ABCB11: variants seen among roughly 807,000 people sequenced by gnomAD.
The protein encoded by ABCB11 is bile salt export pump.
A neutral mutation model predicts 148.0 loss-of-function variants in ABCB11; 95 were observed. The observed-to-expected ratio is 0.64, with a 90% CI of 0.54 to 0.76. The LOEUF is 0.76. Among genes scored for constraint, ABCB11 ranks in the 30% least tolerant of loss-of-function variants. The pLI is 0.00. For missense variants in ABCB11, 1,523 were observed against 1,617.8 expected, an observed-to-expected ratio of 0.94 and a Z score of 1.01; for synonymous variants, 591 against 555.4, an observed-to-expected ratio of 1.06 and a Z score of -0.90.
chr2:168,918,680 C>T (rs971787281), downstream of ABCB11, among the ~76,000 whole-genome samples: 1 of 152,116 alleles, frequency 6.6e-6, no homozygotes, highest in African/African-American at 2.4e-5. Context: ...TTGACCTTTA[C>T]CCCATCGTCT....
At chr2:168,915,609 G>T (rs1352953590) in exon 3 of ABCB11, among the ~76,000 whole-genome samples, 1 of 152,220 alleles carries the variant, frequency 6.6e-6, no homozygotes, top group African/African-American at 2.4e-5. Context: ...GGATGTTCAG[G>T]AATCAGGCTG....
intron 19 of ABCB11, among the ~76,000 whole-genome samples, chr2:168,955,360 G>T (rs545926622): frequency 5.1e-4 from 77 of 151,664 alleles, no homozygotes; most frequent in African/African-American, 1.8e-3. Context: ...CCACATGGCT[G>T]AGGAGATCTC....
intron 17 of ABCB11, among the ~76,000 whole-genome samples, chr2:168,964,547 T>C (rs1047368265): frequency 1.3e-5 from 2 of 151,670 alleles, no homozygotes; most frequent in Non-Finnish European, 2.9e-5. Flanking sequence ...ATTCAGAGTG[T>C]AGTCAGGGAG....
chr2:169,005,359 C>T (rs75899226), intron 5 of ABCB11, among the ~76,000 whole-genome samples: 2,163 of 152,042 alleles, frequency 0.014, 20 homozygotes, highest in Non-Finnish European at 0.021. Context: ...TCTCCTTGGG[C>T]GGGGCTTGCT....
rs1691182285 is a variant in ABCB11, at chr2:168,923,823, C to T, written c.3766-1G>A. Reference sequence around the variant, plus strand: ...CTTTGTCTAGAGCAACCTGCACCGTCTGCAAAGAGAAGATGGAAAGTTGAT... The same window carrying T: ...CTTTGTCTAGAGCAACCTGCACCGTTTGCAAAGAGAAGATGGAAAGTTGAT... On this transcript the variant is annotated splice_acceptor_variant, in intron 27 of 27. Transcript: ENST00000650372. LOFTEE classifies it high-confidence loss of function. 1 of 1,613,892 alleles carries T rather than the reference C, an allele frequency of 6.2e-7. No homozygotes were observed. The highest frequency in any genetic ancestry group is 1.7e-5 in the Admixed American group (1 of 60,022).
chr2:168,986,193 A>T lies in ABCB11; in HGVS notation c.1000T>A (p.Phe334Ile). The T allele has an allele frequency of 6.2e-7, 1 of 1,613,396 alleles. No homozygotes were observed. The highest frequency in any genetic ancestry group is 8.5e-7 in the Non-Finnish European group (1 of 1,179,608). Residue 334 changes from phenylalanine (F) to isoleucine (I), a missense_variant, in exon 10 of 28, where the codon TTT becomes ATT. Transcript: ENST00000650372. ...CAGAAGGCCAGTGCATAACACAAAA[A>T]GATGAGACACCACACGAATCCAGTA... ...FFTGFVWCLIFLCYALAFWYG... is the reference protein window; with the variant it reads ...FFTGFVWCLIILCYALAFWYG...
chr2:168,945,521 G>A (rs1692267870), intron 19 of ABCB11, among the ~76,000 whole-genome samples: 1 of 151,066 alleles, frequency 6.6e-6, no homozygotes, highest in African/African-American at 2.4e-5. Flanking sequence ...AAACATTTAA[G>A]TAATAAAACT....
At chr2:169,020,936 T>C (rs1268120132) in intron 1 of ABCB11, among the ~76,000 whole-genome samples, 1 of 152,094 alleles carries the variant, frequency 6.6e-6, no homozygotes, top group Non-Finnish European at 1.5e-5. Context: ...CAGGTCAGTT[T>C]ATTGAATTTT....
chr2:168,969,894 A>G (rs1426700217), intron 15 of ABCB11, 151 bp downstream of exon 15: 1 of 770,544 alleles, frequency 1.3e-6, no homozygotes, highest in Non-Finnish European at 2.1e-6. Flanking sequence ...GATTGTAGTC[A>G]GCTAATATTT....
chr2:169,025,133 T>C (rs1252655173), intron 1 of ABCB11, among the ~76,000 whole-genome samples: 1 of 152,186 alleles, frequency 6.6e-6, no homozygotes, highest in Non-Finnish European at 1.5e-5. Flanking sequence ...TTAAAAAAAT[T>C]TAGTCTCCAT....
chr2:168,918,941 A>C (rs1445134986), downstream of ABCB11, among the ~76,000 whole-genome samples: 5 of 152,052 alleles, frequency 3.3e-5, no homozygotes, highest in Non-Finnish European at 5.9e-5. Context: ...TATTTTTTTC[A>C]ATGAAAGATA....
At chr2:168,952,024 T>C (rs1322328400) in intron 19 of ABCB11, among the ~76,000 whole-genome samples, 1 of 151,778 alleles carries the variant, frequency 6.6e-6, no homozygotes, top group Non-Finnish European at 1.5e-5. Context: ...ATTGTTTATG[T>C]GATATATCAT....
chr2:168,969,413 A>G lies in ABCB11; in HGVS notation c.1948T>C (p.Tyr650His), dbSNP rs1371562278. The change falls in exon 16 of 28, where the codon TAC (tyrosine) becomes CAC (histidine). Residue 650 changes from tyrosine (Y) to histidine (H), a missense_variant. Tyr to His is a moderately conservative substitution (Grantham distance 83). Coordinates refer to ENST00000650372, the MANE Select transcript of ABCB11 (RefSeq NM_003742.4). Reference sequence around the variant, plus strand: ...CTTTGCAAAGTCACTAGAGTGAAGTAAACACCTTTCCTTTCCAGTAATTCT... The same window carrying G: ...CTTTGCAAAGTCACTAGAGTGAAGTGAACACCTTTCCTTTCCAGTAATTCT... The part of the protein sequence containing the change: ...HEELLERKGV[Y>H]FTLVTLQSQG... 1 of 1,612,650 alleles carries G rather than the reference A, an allele frequency of 6.2e-7. No individual in the cohort carries two copies. The highest frequency in any genetic ancestry group is 8.5e-7 in the Non-Finnish European group (1 of 1,179,260).
rs1693700717 is a variant in ABCB11, at chr2:168,973,793, A to T, written c.1356T>A (p.Ala452=). The change falls in exon 13 of 28, where the codon GCT becomes GCA. Residue 452 remains alanine (A), a synonymous_variant. Transcript: ENST00000650372. The part of the protein sequence containing the change: ...NMVIKPGEMT[A]LVGPSGAGKS... Reference sequence around the variant, plus strand: ...TTCCAGCTCCACTGGGTCCTACCAGAGCTGTCATTTCCCCTGGTTTAATGA... The same window carrying T: ...TTCCAGCTCCACTGGGTCCTACCAGTGCTGTCATTTCCCCTGGTTTAATGA... 5 of 1,612,062 alleles carry T rather than the reference A, an allele frequency of 3.1e-6. No individual in the cohort carries two copies. Among genetic ancestry groups the T allele is most frequent in the Non-Finnish European group, 4.2e-6 (5 of 1,178,642 alleles).
intron 19 of ABCB11, among the ~76,000 whole-genome samples, chr2:168,947,711 T>C (rs1692389506): frequency 6.6e-6 from 1 of 151,586 alleles, no homozygotes; most frequent in Non-Finnish European, 1.5e-5. Context: ...AGAGGAAAAA[T>C]AGTGGTTTGT....
chr2:169,005,154 A>G (rs1469844113), intron 5 of ABCB11, among the ~76,000 whole-genome samples: 1 of 152,066 alleles, frequency 6.6e-6, no homozygotes, highest in African/African-American at 2.4e-5. Flanking sequence ...TGGCACTTTC[A>G]AGAGTGCATC....
At chr2:168,994,738 T>C (rs1216351074) in intron 7 of ABCB11, among the ~76,000 whole-genome samples, 1 of 152,072 alleles carries the variant, frequency 6.6e-6, no homozygotes, top group Non-Finnish European at 1.5e-5. Context: ...CCTGAGAACA[T>C]TTCCTTAATC....
At chr2:169,029,447 A>G (rs1219185447) in intron 1 of ABCB11, among the ~76,000 whole-genome samples, 2 of 152,098 alleles carry the variant, frequency 1.3e-5, no homozygotes, top group African/African-American at 2.4e-5. Context: ...GAAAGGCATT[A>G]TTTTCCAGAT....
Position 168,986,426 on chromosome 2 carries a change from A to G in ABCB11, c.909-142T>C, listed in dbSNP as rs1694327525. The G allele has an allele frequency of 4.2e-6, 3 of 717,898 alleles. No homozygotes were observed. In the Admixed American group the frequency reaches 7.8e-5, roughly 19 times the overall value. The allele number at this position is 717,898 out of a possible 1,614,324, so 44.5% of individuals were successfully genotyped here. A position where few individuals can be genotyped will look rare whatever the true frequency, so the allele number is the denominator to read the frequency against. ...AGCAGCTTCAGGGAGAAAAATCTCC[A>G]ATAACCTTTATGTAGTTTTTTAAAG... On this transcript the variant is annotated intron_variant, in intron 9 of 27. Coordinates refer to ENST00000650372, the MANE Select transcript of ABCB11 (RefSeq NM_003742.4).
Sources: gnomAD v4.1 joint callset for allele counts (sites outside exome capture counted in the v4.1 genomes callset) on GRCh38, gnomAD v4.1.1 for gene constraint, MANE v1.5 for transcripts, NCBI Gene and HGNC (gene_info 2026-07-23, HGNC 2026-07-21) for gene names.